GALNT8: variants seen among roughly 807,000 people sequenced by gnomAD.
GALNT8 encodes the protein probable polypeptide N-acetylgalactosaminyltransferase 8.
In GALNT8, 66 loss-of-function variants were observed where a neutral mutation model predicts 62.7. The ratio of observed to expected loss-of-function variants is 1.05; its 90% CI spans 0.86 to 1.29. The LOEUF (loss-of-function observed/expected upper bound fraction) is 1.29, where lower values mean the gene tolerates loss of function less well. GALNT8 is among the 50% of genes most tolerant of loss of function. The pLI, the probability that GALNT8 is intolerant of heterozygous loss-of-function variation, is 0.00. For missense variants in GALNT8, 771 were observed against 791.8 expected, an observed-to-expected ratio of 0.97 and a Z score of 0.32; for synonymous variants, 288 against 294.3, an observed-to-expected ratio of 0.98 and a Z score of 0.22.
chr12:4,751,517 C>T (rs1371346912), intron 6 of GALNT8, among the ~76,000 whole-genome samples: 1 of 152,138 alleles, frequency 6.6e-6, no homozygotes, highest in East Asian at 1.9e-4. Flanking sequence ...CATTGACTCA[C>T]TGGTCATTCA....
At chr12:4,741,060 A>G (rs1474639009) in intron 3 of GALNT8, among the ~76,000 whole-genome samples, 4 of 152,234 alleles carry the variant, frequency 2.6e-5, no homozygotes, top group Non-Finnish European at 5.9e-5. Flanking sequence ...TCTAGCAGTA[A>G]GGAAGAATTT....
chr12:4,771,727 G>A (rs1158835403), intron 10 of GALNT8, among the ~76,000 whole-genome samples: 2 of 152,160 alleles, frequency 1.3e-5, no homozygotes, highest in African/African-American at 2.4e-5. Flanking sequence ...GAGAGGGAAC[G>A]TGGGAGAGAG....
In GALNT8 at chr12:4,765,421, C is replaced by T; in HGVS notation, c.1636C>T (p.Leu546=). 1.9e-6 allele frequency: 3 copies of T among 1,541,184 alleles called. No homozygotes were observed. The highest frequency in any genetic ancestry group is 2.7e-6 in the Non-Finnish European group (3 of 1,129,382). Reference sequence around the variant, plus strand: ...AACTGGGGAGCTCTATGTGGGACAACTGATTGCAGAGGCCAGTGCTAGTGA... The same window carrying T: ...AACTGGGGAGCTCTATGTGGGACAATTGATTGCAGAGGCCAGTGCTAGTGA... ...HLTGELYVGQ[L]IAEASASDRC... is the part of the protein sequence containing the mutation. The change falls in exon 10 of 11, where the codon CTG becomes TTG. Residue 546 remains leucine, a synonymous_variant. Transcript: ENST00000252318.
At chr12:4,735,224 A>C (rs1946239105) in intron 2 of GALNT8, among the ~76,000 whole-genome samples, 1 of 152,224 alleles carries the variant, frequency 6.6e-6, no homozygotes, top group Non-Finnish European at 1.5e-5. Flanking sequence ...AGAAAATTAT[A>C]ATTATTTAAA....
chr12:4,728,010 A>G (rs1233593227), intron 2 of GALNT8, among the ~76,000 whole-genome samples: 1 of 152,120 alleles, frequency 6.6e-6, no homozygotes, highest in Non-Finnish European at 1.5e-5. Flanking sequence ...TGATTTTTCC[A>G]CATACTCACT....
Position 4,761,003 on chromosome 12 carries a change from A to C in GALNT8, c.1219A>C (p.Ile407Leu). 6.2e-7 allele frequency: 1 copy of C among 1,614,070 alleles called. No individual in the cohort carries two copies. The highest frequency in any genetic ancestry group is 8.5e-7 in the Non-Finnish European group (1 of 1,180,026). The change falls in exon 7 of 11, where the codon ATT becomes CTT. Residue 407 changes from isoleucine to leucine, a missense_variant. Coordinates refer to ENST00000252318, the MANE Select transcript of GALNT8 (RefSeq NM_017417.2). ...GKVEILPCSRIAHLERHHKPY... is the reference protein window; with the variant it reads ...GKVEILPCSRLAHLERHHKPY... ...GGTCGAGATTTTGCCCTGTTCCCGG[A>C]TTGCCCACCTAGAGAGACACCACAA...
intron 2 of GALNT8, among the ~76,000 whole-genome samples, chr12:4,731,850 G>A (rs754367822): frequency 2.0e-5 from 3 of 152,156 alleles, no homozygotes; most frequent in Non-Finnish European, 4.4e-5. Flanking sequence ...ACTTCATCAT[G>A]CCATGTTGGC....
Position 4,726,924 on chromosome 12 carries a change from A to T in GALNT8, c.509+95A>T. ...ACATTGAAGGCTGGGGGAGTGGGGG[A>T]TTGTTGGGGAAGGGGTTCAGGCTGA... On this transcript the variant is annotated intron_variant, in intron 2 of 10. Coordinates refer to ENST00000252318, the MANE Select transcript of GALNT8 (RefSeq NM_017417.2). The surrounding 1 kb of genome is among the most constrained non-coding windows in gnomAD (Gnocchi z 4.1). 2 of 1,044,578 alleles carry T rather than the reference A, an allele frequency of 1.9e-6. No individual in the cohort carries two copies. Among genetic ancestry groups the T allele is most frequent in the Non-Finnish European group, 2.8e-6 (2 of 711,270 alleles). 64.7% of individuals were successfully genotyped at this position (1,044,578 alleles called of 1,614,324 possible). A position where few individuals can be genotyped will look rare whatever the true frequency, so the allele number is the denominator to read the frequency against.
chr12:4,742,518 G>A (rs1310985340), intron 3 of GALNT8, among the ~76,000 whole-genome samples: 1 of 152,190 alleles, frequency 6.6e-6, no homozygotes, highest in Non-Finnish European at 1.5e-5. Context: ...AATTAATGAG[G>A]CAAGACACAT....
rs1455599541 is a variant in GALNT8, at chr12:4,720,508, C to A, written c.-170C>A. On this transcript the variant is annotated 5_prime_UTR_variant, in exon 1 of 11. Transcript: ENST00000252318. Reference sequence around the variant, plus strand: ...CAAAGAAGGCAATAAGGAGACTTTGCTCCTCAGAGGCCACCCGTGGCTTCC... The same window carrying A: ...CAAAGAAGGCAATAAGGAGACTTTGATCCTCAGAGGCCACCCGTGGCTTCC... The A allele has an allele frequency of 3.3e-6, 2 of 606,492 alleles. No individual in the cohort carries two copies. The highest frequency in any genetic ancestry group is 2.8e-5 in the East Asian group (1 of 36,316). The allele number at this position is 606,492 out of a possible 1,614,324, so 37.6% of individuals were successfully genotyped here.
intron 6 of GALNT8, among the ~76,000 whole-genome samples, chr12:4,750,026 A>G (rs571136301): frequency 1.3e-5 from 2 of 152,018 alleles, no homozygotes; most frequent in South Asian, 2.1e-4. Flanking sequence ...TTTCAATTCT[A>G]TTTATTTAGA....
chr12:4,733,219 G>A (rs1300795367), intron 2 of GALNT8, among the ~76,000 whole-genome samples: 1 of 152,248 alleles, frequency 6.6e-6, no homozygotes, highest in Non-Finnish European at 1.5e-5. Context: ...CATGTGGCTA[G>A]TAGCTATCGT....
chr12:4,761,746 C>T (rs892969505), intron 7 of GALNT8, among the ~76,000 whole-genome samples: 5 of 152,108 alleles, frequency 3.3e-5, no homozygotes, highest in Non-Finnish European at 7.4e-5. Context: ...CTGAGCTAAG[C>T]CCACATCTTA....
At chr12:4,764,520 C>A (rs1429787493) in intron 9 of GALNT8, among the ~76,000 whole-genome samples, 1 of 135,806 alleles carries the variant, frequency 7.4e-6, no homozygotes, top group Non-Finnish European at 1.5e-5. Flanking sequence ...GTGGAAGGTG[C>A]AGTCAGGGGA....
intron 3 of GALNT8, among the ~76,000 whole-genome samples, chr12:4,743,326 A>G (rs942250591): frequency 6.6e-6 from 1 of 152,138 alleles, no homozygotes; most frequent in African/African-American, 2.4e-5. Flanking sequence ...ACCCCAGCTT[A>G]CTCCCAGAGG....
At chr12:4,732,409 C>T (rs559443138) in intron 2 of GALNT8, among the ~76,000 whole-genome samples, 283 of 147,102 alleles carry the variant, frequency 1.9e-3, no homozygotes, top group African/African-American at 6.3e-3. Context: ...TCAGTATCTT[C>T]TGCTGCACTG....
At position 4,726,541 on chromosome 12, in the gene GALNT8, T is replaced by G. The variant is rs1946196193; in HGVS notation, c.221T>G (p.Met74Arg). 2 of 1,609,682 alleles carry G rather than the reference T, an allele frequency of 1.2e-6. No homozygotes were observed. The change falls in exon 2 of 11, where the codon ATG (methionine) becomes AGG (arginine). Residue 74 changes from methionine (M) to arginine (R), a missense_variant. Met to Arg is a moderately conservative substitution (Grantham distance 91). Coordinates refer to ENST00000252318, the MANE Select transcript of GALNT8 (RefSeq NM_017417.2). This position sits in a 1 kb window ranked among gnomAD's most constrained non-coding sequence, Gnocchi z 4.1. ...EVELQDLKES[M>R]KLALRQQENV... The stretch of plus-strand genomic sequence containing the variant: ...TCCTCTTCATTTGCAGAAGAAAGTA[T>G]GAAATTAGCTCTGAGGCAACAAGAA...
chr12:4,720,477 T>C lies in GALNT8; in HGVS notation c.-201T>C. The C allele has an allele frequency of 1.7e-6, 1 of 580,036 alleles. No homozygotes were observed. The highest frequency in any genetic ancestry group is 3.1e-6 in the Non-Finnish European group (1 of 326,930). The allele number at this position is 580,036 out of a possible 1,614,324, so 35.9% of individuals were successfully genotyped here. ...GCTGAGCGGTTATCCTCTCGGGGCA[T>C]AAAGACAAAGAAGGCAATAAGGAGA... On this transcript the variant is annotated 5_prime_UTR_variant, in exon 1 of 11. Coordinates refer to ENST00000252318, the MANE Select transcript of GALNT8 (RefSeq NM_017417.2).
chr12:4,722,503 C>T (rs1946175510), intron 1 of GALNT8, among the ~76,000 whole-genome samples: 4 of 152,184 alleles, frequency 2.6e-5, no homozygotes, highest in Admixed American at 2.0e-4. Context: ...AAATTTTAAC[C>T]TCCTCATTTA....
Sources: allele counts gnomAD v4.1 joint callset (sites outside exome capture counted in the v4.1 genomes callset), GRCh38; gene constraint gnomAD v4.1.1; non-coding constraint Gnocchi (gnomAD v3.1); transcripts MANE v1.5; gene names NCBI Gene and HGNC (gene_info 2026-07-23, HGNC 2026-07-21).